Variants in EXOC3L2 observed in about 807,000 individuals in gnomAD.
EXOC3L2 encodes the protein exocyst complex component 3-like protein 2.
EXOC3L2 carries 17 observed loss-of-function variants against 44.4 expected under a neutral mutation model. The observed-to-expected ratio is 0.38, with a 90% CI of 0.26 to 0.57. The LOEUF (loss-of-function observed/expected upper bound fraction) is 0.57, where lower values mean the gene tolerates loss of function less well. EXOC3L2 is among the 20% of genes least tolerant of loss of function. EXOC3L2 has a pLI of 0.65. For missense variants in EXOC3L2, 541 were observed against 588.4 expected, an observed-to-expected ratio of 0.92 and a Z score of 0.83; for synonymous variants, 256 against 253.7, an observed-to-expected ratio of 1.01 and a Z score of -0.09.
At chr19:45,240,718 A>C (rs1970124228) in intron 1 of EXOC3L2, among the ~76,000 whole-genome samples, 2 of 152,070 alleles carry the variant, frequency 1.3e-5, no homozygotes, top group Non-Finnish European at 2.9e-5. Flanking sequence ...CAACATGGTG[A>C]AACCCCGTCT....
intron 8 of EXOC3L2, among the ~76,000 whole-genome samples, chr19:45,220,737 T>C (rs1969887718): frequency 1.3e-5 from 2 of 151,762 alleles, no homozygotes; most frequent in Admixed American, 1.3e-4. Flanking sequence ...AGCTTTCTCC[T>C]GAGGGCACTA....
intron 11 of EXOC3L2, 32 bp downstream of exon 11, chr19:45,216,041 C>G (rs765623086): frequency 1.9e-6 from 3 of 1,609,936 alleles, no homozygotes; most frequent in Non-Finnish European, 2.5e-6. Flanking sequence ...CGGCCAGGCA[C>G]GGCGAGCCCT....
intron 8 of EXOC3L2, among the ~76,000 whole-genome samples, chr19:45,218,598 G>A (rs975992992): frequency 6.6e-6 from 1 of 152,130 alleles, no homozygotes. Context: ...TCAGCATAGA[G>A]CCATGGAGGG....
chr19:45,217,661 C>T lies in EXOC3L2; in HGVS notation c.1865G>A (p.Arg622Gln), dbSNP rs1969850806. The change falls in exon 10 of 12, where the codon CGG becomes CAG. Residue 622 changes from arginine (R) to glutamine (Q), a missense_variant. Physicochemically the swap from Arg to Gln is conservative, Grantham distance 43. Coordinates refer to ENST00000413988, the MANE Select transcript of EXOC3L2 (RefSeq NM_001382422.1). ...CCGCACGTACTCGACCAGCGCCCGC[C>T]GGTGTAGCTCGGCTACCAGCGCCTG... ...PYQALVAELH[R>Q]RALVEYVRPL... 2.8e-6 allele frequency: 4 copies of T among 1,411,046 alleles called. No homozygotes were observed. The highest frequency in any genetic ancestry group is 3.7e-6 in the Non-Finnish European group (4 of 1,090,548). 87.4% of individuals were successfully genotyped at this position (1,411,046 alleles called of 1,614,324 possible).
intron 1 of EXOC3L2, among the ~76,000 whole-genome samples, chr19:45,241,736 C>T (rs1427489450): frequency 6.6e-6 from 1 of 152,198 alleles, no homozygotes; most frequent in Non-Finnish European, 1.5e-5. Context: ...AGGACTCACA[C>T]TTCAGGACTC....
chr19:45,228,283 G>A lies in EXOC3L2; in HGVS notation c.1270-17C>T, dbSNP rs972615335. On this transcript the variant is annotated splice_polypyrimidine_tract_variant and intron_variant, in intron 4 of 11. Coordinates refer to ENST00000413988, the MANE Select transcript of EXOC3L2 (RefSeq NM_001382422.1). ...GGTCTGAGCCTACAGTAGGGAGAGG[G>A]GAGACAGGCAGGAGTTGGGGGCGGC... The A allele has an allele frequency of 1.9e-6, 3 of 1,612,566 alleles. No homozygotes were observed. The African/African-American group carries it at 4.0e-5, about 22-fold the overall frequency.
chr19:45,243,318 G>T (rs1437064409), intron 1 of EXOC3L2, among the ~76,000 whole-genome samples: 1 of 152,234 alleles, frequency 6.6e-6, no homozygotes, highest in Non-Finnish European at 1.5e-5. Context: ...GGATTATGCA[G>T]ACGTGCGGGG....
intron 7 of EXOC3L2, among the ~76,000 whole-genome samples, chr19:45,226,394 G>A (rs1232534677): frequency 1.3e-5 from 2 of 152,146 alleles, no homozygotes; most frequent in East Asian, 1.9e-4. Context: ...TTGAGCCTGG[G>A]AGTCCGAGAC....
intron 11 of EXOC3L2, among the ~76,000 whole-genome samples, chr19:45,215,253 T>C (rs1258918785): frequency 6.6e-6 from 1 of 152,144 alleles, no homozygotes; most frequent in African/African-American, 2.4e-5. Context: ...GGCAGATCAC[T>C]TGAGCCCAGA....
intron 11 of EXOC3L2, among the ~76,000 whole-genome samples, chr19:45,215,616 C>T (rs915809081): frequency 5.3e-5 from 8 of 152,164 alleles, no homozygotes; most frequent in Non-Finnish European, 7.3e-5. Context: ...AACCCTATGA[C>T]GAGAATACTA....
intron 4 of EXOC3L2, among the ~76,000 whole-genome samples, chr19:45,229,002 C>T (rs1314003949): frequency 3.3e-5 from 5 of 151,172 alleles, no homozygotes; most frequent in Non-Finnish European, 5.9e-5. Context: ...ACCCGGGAGA[C>T]GGAGCTTGCA....
At chr19:45,221,421 G>A (rs1969896710) in intron 8 of EXOC3L2, among the ~76,000 whole-genome samples, 1 of 151,802 alleles carries the variant, frequency 6.6e-6, no homozygotes, top group African/African-American at 2.4e-5. Context: ...GCGCGATCTT[G>A]GCTCACTGCA....
chr19:45,222,653 C>T (rs1969910510), intron 8 of EXOC3L2, among the ~76,000 whole-genome samples: 1 of 152,114 alleles, frequency 6.6e-6, no homozygotes, highest in South Asian at 2.1e-4. Flanking sequence ...TCAAAACATA[C>T]ATAGTGGTTT....
At chr19:45,237,692 T>C (rs1222899265) in intron 2 of EXOC3L2, among the ~76,000 whole-genome samples, 1 of 152,018 alleles carries the variant, frequency 6.6e-6, no homozygotes, top group East Asian at 1.9e-4. Flanking sequence ...TGTTAGGGAT[T>C]GAATTACGTC....
Position 45,218,268 on chromosome 19 carries a change from G to C in EXOC3L2, c.1771C>G (p.Leu591Val). 2 of 1,597,366 alleles carry C rather than the reference G, an allele frequency of 1.3e-6. No homozygotes were observed. The highest frequency in any genetic ancestry group is 2.3e-5 in the East Asian group (1 of 44,098). ...CCCAGCGTGCCCACGATGCCATCCA[G>C]GGCCTCCGGGCTGCTCAGCCACTTC... is the stretch of plus-strand genomic sequence containing the variant. ...RRKWLSSPEA[L>V]DGIVGTLGAQ... The change falls in exon 9 of 12, where the codon CTG (leucine) becomes GTG (valine). Residue 591 changes from leucine to valine, a missense_variant. By Grantham distance (32) the Leu-to-Val change is conservative. Coordinates refer to ENST00000413988, the MANE Select transcript of EXOC3L2 (RefSeq NM_001382422.1).
At chr19:45,221,847 A>C (rs1969901983) in intron 8 of EXOC3L2, among the ~76,000 whole-genome samples, 1 of 151,240 alleles carries the variant, frequency 6.6e-6, no homozygotes, top group African/African-American at 2.4e-5. Context: ...AAGAGGCCTC[A>C]TTATGTTGCC....
chr19:45,230,879 T>C (rs1970023733), intron 4 of EXOC3L2, among the ~76,000 whole-genome samples: 1 of 151,520 alleles, frequency 6.6e-6, no homozygotes, highest in Non-Finnish European at 1.5e-5. Flanking sequence ...GAGGCCAGGA[T>C]TTTGAGACTA....
chr19:45,236,787 A>G (rs1465339417), intron 2 of EXOC3L2, among the ~76,000 whole-genome samples: 3 of 152,172 alleles, frequency 2.0e-5, no homozygotes, highest in Middle Eastern at 3.4e-3. Context: ...ACCTGAGATC[A>G]GGAGTTCAAG....
intron 7 of EXOC3L2, among the ~76,000 whole-genome samples, chr19:45,226,402 G>C (rs1969960360): frequency 6.6e-6 from 1 of 152,112 alleles, no homozygotes; most frequent in Admixed American, 6.6e-5. Context: ...GGGAGTCCGA[G>C]ACCAGCCTGG....
Sources: gnomAD v4.1 joint callset for allele counts (sites outside exome capture counted in the v4.1 genomes callset) on GRCh38, gnomAD v4.1.1 for gene constraint, MANE v1.5 for transcripts, NCBI Gene and HGNC (gene_info 2026-07-23, HGNC 2026-07-21) for gene names.